Variants in AFG2A observed in about 807,000 individuals in gnomAD.
The protein encoded by AFG2A is AAA ATPase AFG2A, also known as ATPase family gene 2 protein homolog A.
chr4:123,076,127 C>T, the AFG2A span, among the ~76,000 whole-genome samples: 1 of 151,846 alleles, frequency 6.6e-6, no homozygotes, highest in African/African-American at 2.4e-5. Context: ...AAAAATTAGC[C>T]AGGCACGATG....
At chr4:123,092,434 C>T in the AFG2A span, among the ~76,000 whole-genome samples, 8 of 152,168 alleles carry the variant, frequency 5.3e-5, no homozygotes, top group East Asian at 5.8e-4. Flanking sequence ...TGGGTGTCCT[C>T]GATATTAGAT....
At chr4:123,054,053 G>A in the AFG2A span, among the ~76,000 whole-genome samples, 2 of 152,344 alleles carry the variant, frequency 1.3e-5, no homozygotes, top group Middle Eastern at 3.4e-3. Flanking sequence ...CCAGTTATCA[G>A]TGGGCTGATG....
the AFG2A span, among the ~76,000 whole-genome samples, chr4:123,198,449 G>A: frequency 5.3e-5 from 8 of 152,120 alleles, no homozygotes; most frequent in African/African-American, 1.2e-4. Flanking sequence ...TCTCCCCTAC[G>A]GTCTTTAACT....
At chr4:123,229,112 A>G in the AFG2A span, among the ~76,000 whole-genome samples, 3 of 151,980 alleles carry the variant, frequency 2.0e-5, no homozygotes, top group Non-Finnish European at 2.9e-5. Context: ...GGCATATAAC[A>G]TTTATGTTCA....
chr4:123,095,710 T>TAA, the AFG2A span, among the ~76,000 whole-genome samples: 17 of 151,094 alleles, frequency 1.1e-4, no homozygotes, highest in South Asian at 4.2e-4. Flanking sequence ...TAAAACTGAT[T>TAA]AAAAAAAAAG....
the AFG2A span, among the ~76,000 whole-genome samples, chr4:123,119,611 G>T: frequency 1.3e-5 from 2 of 152,150 alleles, no homozygotes; most frequent in East Asian, 3.9e-4. Context: ...AACATGTCTT[G>T]CCAAAATTGA....
the AFG2A span, chr4:122,979,515 G>A: frequency 4.8e-6 from 5 of 1,052,448 alleles, no homozygotes; most frequent in East Asian, 1.3e-4. Flanking sequence ...AAGTTTTATT[G>A]AGATAGCTGT....
At chr4:123,099,354 T>G in the AFG2A span, among the ~76,000 whole-genome samples, 198 of 152,096 alleles carry the variant, frequency 1.3e-3, 1 homozygote, top group East Asian at 9.1e-3. Context: ...CTTTTTAGCT[T>G]CATGTAATCC....
the AFG2A span, among the ~76,000 whole-genome samples, chr4:123,070,373 A>G: frequency 6.6e-6 from 1 of 152,056 alleles, no homozygotes; most frequent in Non-Finnish European, 1.5e-5. Context: ...AATTTTGAGG[A>G]AGTGTCTTAG....
the AFG2A span, among the ~76,000 whole-genome samples, chr4:123,264,321 A>G: frequency 6.6e-6 from 1 of 152,318 alleles, no homozygotes; most frequent in East Asian, 1.9e-4. Flanking sequence ...GAACTTATCT[A>G]TGTAACCAAA....
the AFG2A span, among the ~76,000 whole-genome samples, chr4:123,277,963 G>A: frequency 5.9e-5 from 9 of 152,090 alleles, no homozygotes; most frequent in African/African-American, 2.2e-4. Context: ...GCCAGGTTTG[G>A]GTATCACAAT....
At chr4:123,290,872 C>T in the AFG2A span, among the ~76,000 whole-genome samples, 2 of 152,132 alleles carry the variant, frequency 1.3e-5, no homozygotes, top group Non-Finnish European at 2.9e-5. Flanking sequence ...CTCAATGATC[C>T]ATCTACTGCT....
chr4:123,102,838 G>GT, the AFG2A span, among the ~76,000 whole-genome samples: 28 of 144,786 alleles, frequency 1.9e-4, no homozygotes, highest in Non-Finnish European at 3.1e-4. Context: ...GTGTGTGTGT[G>GT]GTGTCAAAAA....
At chr4:123,023,706 G>A in the AFG2A span, among the ~76,000 whole-genome samples, 9 of 151,970 alleles carry the variant, frequency 5.9e-5, no homozygotes, top group Non-Finnish European at 1.3e-4. Flanking sequence ...TTATCGTCTC[G>A]GGCCACACAT....
chr4:123,071,235 C>T, the AFG2A span, among the ~76,000 whole-genome samples: 39 of 152,110 alleles, frequency 2.6e-4, no homozygotes, highest in Non-Finnish European at 4.6e-4. Flanking sequence ...AATCCCAGCA[C>T]TTTGGGAGGC....
the AFG2A span, chr4:122,947,356 G>A: frequency 6.2e-7 from 1 of 1,614,102 alleles, no homozygotes. Flanking sequence ...CAATGCTCAG[G>A]ACCGGCTAGA....
At chr4:123,084,590 A>ATGTG in the AFG2A span, among the ~76,000 whole-genome samples, 951 of 143,284 alleles carry the variant, frequency 6.6e-3, 7 homozygotes, top group East Asian at 0.019. Flanking sequence ...GTATATATAT[A>ATGTG]TGTGTGTGTG....
the AFG2A span, among the ~76,000 whole-genome samples, chr4:123,195,825 C>G: frequency 6.6e-6 from 1 of 152,130 alleles, no homozygotes; most frequent in African/African-American, 2.4e-5. Context: ...ACCAATACCC[C>G]TTCCCAACCT....
the AFG2A span, among the ~76,000 whole-genome samples, chr4:123,186,966 T>A: frequency 2.6e-5 from 4 of 152,134 alleles, no homozygotes; most frequent in African/African-American, 7.2e-5. Context: ...AAGACTAGTT[T>A]GTCATTGCAG....
Sources: gnomAD v4.1 joint callset for allele counts (sites outside exome capture counted in the v4.1 genomes callset) on GRCh38, gnomAD v4.1.1 for gene constraint, MANE v1.5 for transcripts, NCBI Gene and HGNC (gene_info 2026-07-23, HGNC 2026-07-21) for gene names.